Variants in SP3 observed in about 807,000 individuals in gnomAD.
The protein encoded by SP3 is transcription factor Sp3.
A neutral mutation model predicts 70.3 loss-of-function variants in SP3; 10 were observed. The ratio of observed to expected loss-of-function variants is 0.14; its 90% confidence interval spans 0.09 to 0.24. The LOEUF (loss-of-function observed/expected upper bound fraction) is 0.24, where lower values mean the gene tolerates loss of function less well. SP3 is among the 10% of genes least tolerant of loss of function. The pLI is 1.00. For synonymous variants in SP3, 402 were observed against 333.5 expected (o/e 1.21, Z -2.24); for missense variants, 825 against 914.6 (o/e 0.90, Z 1.26).
Position 173,964,489 on chromosome 2 carries a change from A to T in SP3, c.72T>A (p.Gly24=). Residue 24 remains glycine, a synonymous_variant, in exon 2 of 7, where the codon GGT becomes GGA. Coordinates refer to ENST00000310015, the MANE Select transcript of SP3 (RefSeq NM_003111.5). The part of the protein sequence containing the change: ...AALDVDSGGG[G]GGGGGHGEYL... ...ACTCGCCGTGGCCGCCGCCGCCGCC[A>T]CCGCCGCCGCCGCTATCCACGTCCA... The T allele has an allele frequency of 4.3e-6, 2 of 465,994 alleles. No homozygotes were observed. The highest frequency in any genetic ancestry group is 8.6e-6 in the Non-Finnish European group (2 of 233,646). The allele number at this position is 465,994 out of a possible 1,614,324, so 28.9% of individuals were successfully genotyped here.
intron 4 of SP3, among the ~76,000 whole-genome samples, chr2:173,948,769 TAA>T (rs199717871): frequency 5.3e-5 from 8 of 152,216 alleles, no homozygotes; most frequent in South Asian, 4.1e-4. Context: ...TAAATAATTA[TAA>T]GTCTCAAAAT....
At chr2:173,931,415 C>G (rs1360662183) in intron 4 of SP3, among the ~76,000 whole-genome samples, 2 of 152,186 alleles carry the variant, frequency 1.3e-5, no homozygotes, top group Non-Finnish European at 2.9e-5. Context: ...GCAATCTCGG[C>G]TCACTGCAAC....
rs528368405 is a variant in SP3 at position 173,901,074 on chromosome 2, G to A, written c.*8867C>T. Among the ~76,000 whole-genome samples the A allele has an allele frequency of 1.3e-5, 2 of 152,256 alleles. No homozygotes were observed. The highest frequency in any genetic ancestry group is 1.3e-4 in the Admixed American group (2 of 15,288). On this transcript the variant is annotated 3_prime_UTR_variant, in exon 7 of 7. Transcript: ENST00000310015. ...GAATTTAGGATAAATAACAGAGAGG[G>A]CATTATAATCAGCAGGGAAACGTTG...
intron 4 of SP3, among the ~76,000 whole-genome samples, chr2:173,952,480 G>C (rs949184907): frequency 6.6e-6 from 1 of 152,148 alleles, no homozygotes. Flanking sequence ...ACACATTGCT[G>C]ATGAGAATGT....
Position 173,901,432 on chromosome 2 carries a change from T to C in SP3, c.*8509A>G, listed in dbSNP as rs1373527824. 6.6e-6 allele frequency among the ~76,000 whole-genome samples: 1 copy of C among 151,944 alleles called. No homozygotes were observed. The highest frequency in any genetic ancestry group is 1.5e-5 in the Non-Finnish European group (1 of 67,988). ...TAAAATAATATGTACCTGGGATTAA[T>C]TAAGAATGTTTGAAGATCAATGCAA... On this transcript the variant is annotated 3_prime_UTR_variant, in exon 7 of 7. Coordinates refer to ENST00000310015, the MANE Select transcript of SP3 (RefSeq NM_003111.5).
At chr2:173,947,945 G>A (rs1352272509) in intron 4 of SP3, among the ~76,000 whole-genome samples, 2 of 152,260 alleles carry the variant, frequency 1.3e-5, no homozygotes, top group South Asian at 2.1e-4. Flanking sequence ...TGTGGTGGTC[G>A]TAAGACTGTG....
At chr2:173,958,145 T>C (rs1299884243) in intron 3 of SP3, among the ~76,000 whole-genome samples, 2 of 152,088 alleles carry the variant, frequency 1.3e-5, no homozygotes, top group Non-Finnish European at 2.9e-5. Context: ...AGCATAAAAT[T>C]TACAGGTATT....
intron 4 of SP3, among the ~76,000 whole-genome samples, chr2:173,928,139 A>G (rs1689970233): frequency 1.3e-5 from 2 of 152,204 alleles, no homozygotes; most frequent in Admixed American, 1.3e-4. Context: ...AGCAGTCGGA[A>G]TTGTTAAAAC....
chr2:173,935,328 C>A (rs1048784714), intron 4 of SP3, among the ~76,000 whole-genome samples: 1 of 152,144 alleles, frequency 6.6e-6, no homozygotes, highest in African/African-American at 2.4e-5. Flanking sequence ...ATCACCTCTG[C>A]TAGAACTATC....
intron 4 of SP3, among the ~76,000 whole-genome samples, chr2:173,933,771 G>A (rs1339062382): frequency 2.0e-5 from 3 of 150,152 alleles, no homozygotes; most frequent in Non-Finnish European, 4.4e-5. Flanking sequence ...ATATAACCCT[G>A]CTTCAAAAAG....
chr2:173,904,042 C>T lies in SP3; in HGVS notation c.*5899G>A, dbSNP rs367946190. On this transcript the variant is annotated 3_prime_UTR_variant, in exon 7 of 7. Transcript: ENST00000310015. ...AGGATGAAACTGCTCTACCTCAGAT[C>T]ATCAGACATTAGATTCTCTTAAGGA... Among the ~76,000 whole-genome samples the T allele has an allele frequency of 6.6e-6, 1 of 152,128 alleles. No homozygotes were observed. Among genetic ancestry groups the T allele is most frequent in the East Asian group, 1.9e-4 (1 of 5,184 alleles).
chr2:173,943,313 AC>A (rs370787486), intron 4 of SP3, among the ~76,000 whole-genome samples: 139 of 152,144 alleles, frequency 9.1e-4, no homozygotes, highest in Middle Eastern at 6.8e-3. Flanking sequence ...AATTCCAGCC[AC>A]CTTGCTCATT....
In SP3 at chr2:173,906,773, T is replaced by C. The variant is rs1385248809; in HGVS notation, c.*3168A>G. On this transcript the variant is annotated 3_prime_UTR_variant, in exon 7 of 7. Transcript: ENST00000310015. ...ATTTTAAGTGATTGTAACGCAGGAGTGTTTAACAGAACCACTTGAGCAGCT... is the reference window on the plus strand; with the variant it reads ...ATTTTAAGTGATTGTAACGCAGGAGCGTTTAACAGAACCACTTGAGCAGCT... 3 of 151,926 alleles carry C rather than the reference T, an allele frequency of 2.0e-5. No homozygotes were observed. The highest frequency in any genetic ancestry group is 2.9e-5 in the Non-Finnish European group (2 of 67,976). The allele number at this position is 151,926 out of a possible 1,614,324, so 9.4% of individuals were successfully genotyped here. A position where few individuals can be genotyped will look rare whatever the true frequency, so the allele number is the denominator to read the frequency against.
In SP3 at chr2:173,956,241, A is replaced by C; in HGVS notation, c.280-9T>G. 8 of 1,566,100 alleles carry C rather than the reference A, an allele frequency of 5.1e-6. No homozygotes were observed. Among genetic ancestry groups the C allele is most frequent in the Non-Finnish European group, 6.9e-6 (8 of 1,157,974 alleles). ...GAAGCCAAATCACCTGTCTGGATGA[A>C]GAAAACAAAAAGGTGATATATTTGT... is the stretch of plus-strand genomic sequence containing the variant. On this transcript the variant is annotated splice_polypyrimidine_tract_variant and intron_variant, in intron 3 of 6. Transcript: ENST00000310015.
chr2:173,910,641 A>G (rs1005029444), intron 6 of SP3, among the ~76,000 whole-genome samples: 3 of 152,212 alleles, frequency 2.0e-5, no homozygotes, highest in African/African-American at 7.2e-5. Context: ...GCTATAATTA[A>G]AATACTAACA....
intron 6 of SP3, among the ~76,000 whole-genome samples, chr2:173,911,089 A>C (rs927085010): frequency 1.3e-5 from 2 of 152,166 alleles, no homozygotes; most frequent in Non-Finnish European, 2.9e-5. Context: ...TTGTTCTAGC[A>C]CCTCTACTCT....
At chr2:173,944,906 T>C (rs1239019915) in intron 4 of SP3, among the ~76,000 whole-genome samples, 5 of 152,120 alleles carry the variant, frequency 3.3e-5, no homozygotes, top group Admixed American at 2.6e-4. Context: ...CACTTGAAGC[T>C]AGGAGTTTGA....
chr2:173,964,914 G>A, intron 1 of SP3: 4 of 522,444 alleles, frequency 7.7e-6, no homozygotes, highest in Non-Finnish European at 1.3e-5. Flanking sequence ...GCACACAGGG[G>A]GATGCGCTCC....
At chr2:173,919,923 T>C (rs372055152) in intron 4 of SP3, among the ~76,000 whole-genome samples, 4 of 152,168 alleles carry the variant, frequency 2.6e-5, no homozygotes, top group East Asian at 1.9e-4. Context: ...GCAATGTTAT[T>C]TGTAATCACC....
Sources: gnomAD v4.1 joint callset for allele counts (sites outside exome capture counted in the v4.1 genomes callset) on GRCh38, gnomAD v4.1.1 for gene constraint, MANE v1.5 for transcripts, NCBI Gene and HGNC (gene_info 2026-07-23, HGNC 2026-07-21) for gene names.